The following CPSF2 variants were observed in gnomAD, a reference collection of about 807,000 sequenced individuals.
CPSF2 encodes cleavage and polyadenylation specific factor 2, also known as cleavage and polyadenylation specificity factor subunit 2.
In CPSF2, 51 loss-of-function variants were observed where a neutral mutation model predicts 84.2. The observed-to-expected ratio is 0.61, with a 90% CI of 0.48 to 0.77. The LOEUF (loss-of-function observed/expected upper bound fraction) is 0.77. Among genes scored for constraint, CPSF2 ranks in the 30% least tolerant of loss-of-function variants. CPSF2 has a pLI of 0.00. For missense variants in CPSF2, 641 were observed against 929.4 expected, an observed-to-expected ratio of 0.69 and a Z score of 4.03; for synonymous variants, 286 against 311.9, an observed-to-expected ratio of 0.92 and a Z score of 0.87.
Position 92,162,844 on chromosome 14 carries a change from T to C in CPSF2, c.*1100T>C, listed in dbSNP as rs1303505168. 3 of 152,244 alleles carry C rather than the reference T, an allele frequency of 2.0e-5. No homozygotes were observed. The highest frequency in any genetic ancestry group is 7.2e-5 in the African/African-American group (3 of 41,466). The allele number at this position is 152,244 out of a possible 1,614,324, so 9.4% of individuals were successfully genotyped here. On this transcript the variant is annotated 3_prime_UTR_variant, in exon 16 of 16. Transcript: ENST00000298875. ...ACCATGTAAACTATTGAAACTATTG[T>C]AATCCATTAATGCTTTTTTAGAATG...
At position 92,157,559 on chromosome 14, in the gene CPSF2, A is replaced by G. The variant is rs1332790458; in HGVS notation, c.1596-100A>G. ...ATCATACAGATACTATAACATGTGTATTTCTCAAATCCTAGTGTTATATAT... is the reference window on the plus strand; with the variant it reads ...ATCATACAGATACTATAACATGTGTGTTTCTCAAATCCTAGTGTTATATAT... On this transcript the variant is annotated intron_variant, in intron 12 of 15. Coordinates refer to ENST00000298875, the MANE Select transcript of CPSF2 (RefSeq NM_017437.3). This position sits in a 1 kb window ranked among gnomAD's most constrained non-coding sequence, Gnocchi z 4.0. 2.8e-6 allele frequency: 2 copies of G among 717,018 alleles called. No individual in the cohort carries two copies. The highest frequency in any genetic ancestry group is 2.7e-5 in the East Asian group (1 of 36,988). The allele number at this position is 717,018 out of a possible 1,614,324, so 44.4% of individuals were successfully genotyped here. A position where few individuals can be genotyped will look rare whatever the true frequency, so the allele number is the denominator to read the frequency against.
chr14:92,126,678 C>T (rs920719700), intron 2 of CPSF2, among the ~76,000 whole-genome samples: 1 of 151,932 alleles, frequency 6.6e-6, no homozygotes, highest in African/African-American at 2.4e-5. Flanking sequence ...TGGTGCGTGC[C>T]CGTAGTCCCA....
At chr14:92,138,544 C>T (rs1356752823) in intron 7 of CPSF2, among the ~76,000 whole-genome samples, 197 bp downstream of exon 7, 2 of 152,004 alleles carry the variant, frequency 1.3e-5, no homozygotes, top group Non-Finnish European at 1.5e-5. Flanking sequence ...ATTCTTGTGC[C>T]TCAGCCTCCC....
rs901857385 is a variant in CPSF2, at chr14:92,169,994, C to G, written c.*8250C>G. ...CTCTATTAAAAATCAGAAAAATTGG[C>G]CAGGTGTGGTGGCTCATGCCTGTAG... On this transcript the variant is annotated 3_prime_UTR_variant, in exon 16 of 16. Transcript: ENST00000298875. 6.6e-6 allele frequency: 1 copy of G among 151,982 alleles called. No homozygotes were observed. Among genetic ancestry groups the G allele is most frequent in the East Asian group, 1.9e-4 (1 of 5,186 alleles). 9.4% of individuals were successfully genotyped at this position (151,982 alleles called of 1,614,324 possible).
intron 9 of CPSF2, among the ~76,000 whole-genome samples, chr14:92,150,415 C>A (rs565083772): frequency 1.6e-3 from 239 of 151,894 alleles, no homozygotes; most frequent in Middle Eastern, 6.8e-3. Context: ...AGTCACCGCA[C>A]CAGGCCCTGT....
intron 13 of CPSF2, 139 bp downstream of exon 13, chr14:92,158,023 G>A (rs935889981): frequency 1.6e-6 from 1 of 631,070 alleles, no homozygotes; most frequent in Non-Finnish European, 2.8e-6. Flanking sequence ...AGGGTATGGG[G>A]CTTAGAACAA....
At chr14:92,151,516 G>A (rs1393019189) in intron 9 of CPSF2, among the ~76,000 whole-genome samples, 1 of 151,518 alleles carries the variant, frequency 6.6e-6, no homozygotes, top group Non-Finnish European at 1.5e-5. Flanking sequence ...AACTAACCTT[G>A]AAGAAACTAC....
chr14:92,156,662 A>G (rs745760633), intron 12 of CPSF2, 31 bp downstream of exon 12: 6 of 1,425,794 alleles, frequency 4.2e-6, no homozygotes, highest in Admixed American at 2.2e-5. Context: ...TTGAAAATAG[A>G]TTATAAGATA....
In CPSF2 at chr14:92,143,200, C is replaced by T. The variant is rs1211930161; in HGVS notation, c.1046C>T (p.Pro349Leu). Residue 349 changes from proline (P) to leucine (L), a missense_variant, in exon 9 of 16, where the codon CCT becomes CTT. Pro to Leu is a moderately conservative substitution (Grantham distance 98). Coordinates refer to ENST00000298875, the MANE Select transcript of CPSF2 (RefSeq NM_017437.3). ...CTCTTTATTCAGTGGTGTCAGGACC[C>T]TAAAAACTCAATCATTCTAACCTAC... is the stretch of plus-strand genomic sequence containing the variant. ...RDLFIQWCQD[P>L]KNSIILTYRT... 1 of 1,613,898 alleles carries T rather than the reference C, an allele frequency of 6.2e-7. No homozygotes were observed. The highest frequency in any genetic ancestry group is 1.7e-5 in the Admixed American group (1 of 60,008).
At chr14:92,141,490 G>A (rs747580110) in intron 7 of CPSF2, among the ~76,000 whole-genome samples, 2 of 151,968 alleles carry the variant, frequency 1.3e-5, no homozygotes, top group East Asian at 1.9e-4. Flanking sequence ...CACCATGCCC[G>A]GCTAATTTGT....
At chr14:92,124,650 A>G (rs776023433) in intron 1 of CPSF2, among the ~76,000 whole-genome samples, 3 of 152,188 alleles carry the variant, frequency 2.0e-5, no homozygotes, top group Non-Finnish European at 2.9e-5. Flanking sequence ...CTGCACTGTT[A>G]TGGTAGTCAC....
chr14:92,159,000 A>G lies in CPSF2; in HGVS notation c.1839A>G (p.Ser613=), dbSNP rs757843869. The G allele has an allele frequency of 4.3e-6, 7 of 1,612,156 alleles. No individual in the cohort carries two copies. The highest frequency in any genetic ancestry group is 3.3e-5 in the Admixed American group (2 of 59,802). ...THIYQVRLKD[S]LVSSLQFCKA... is the part of the protein sequence containing the mutation. ...ATGTCTAGGTGAGGTTAAAAGACTC[A>G]CTTGTCAGCTCTCTTCAGTTTTGTA... The change falls in exon 14 of 16, where the codon TCA becomes TCG. Residue 613 remains serine, a synonymous_variant. Transcript: ENST00000298875.
chr14:92,158,752 A>G (rs1401237401), intron 13 of CPSF2, among the ~76,000 whole-genome samples: 1 of 152,174 alleles, frequency 6.6e-6, no homozygotes, highest in Non-Finnish European at 1.5e-5. Context: ...TTTAATTGCC[A>G]TGTGATTCCA....
Position 92,131,089 on chromosome 14 carries a change from C to T in CPSF2, c.105C>T (p.Gly35=). ...AGTTTAGATTTTTATTGGACTGTGGCTGGGATGAGCACTTTTCTATGGATA... is the reference window on the plus strand; with the variant it reads ...AGTTTAGATTTTTATTGGACTGTGGTTGGGATGAGCACTTTTCTATGGATA... ...VDEFRFLLDC[G]WDEHFSMDII... is the part of the protein sequence containing the mutation. The change falls in exon 3 of 16, where the codon GGC becomes GGT. Residue 35 remains glycine, a synonymous_variant. Transcript: ENST00000298875. The T allele has an allele frequency of 1.2e-6, 2 of 1,612,552 alleles. No homozygotes were observed. Among genetic ancestry groups the T allele is most frequent in the Non-Finnish European group, 1.7e-6 (2 of 1,179,224 alleles).
At chr14:92,151,635 A>G (rs952711877) in intron 9 of CPSF2, among the ~76,000 whole-genome samples, 3 of 152,194 alleles carry the variant, frequency 2.0e-5, no homozygotes, top group Admixed American at 6.5e-5. Context: ...TTTTCTTCAT[A>G]TACTTTAACC....
chr14:92,122,117 A>C lies in CPSF2; in HGVS notation c.-105A>C, dbSNP rs1196958331. 1 of 398,602 alleles carries C rather than the reference A, an allele frequency of 2.5e-6. No individual in the cohort carries two copies. The highest frequency in any genetic ancestry group is 4.7e-6 in the Non-Finnish European group (1 of 211,480). 24.7% of individuals were successfully genotyped at this position (398,602 alleles called of 1,614,324 possible). On this transcript the variant is annotated 5_prime_UTR_variant, in exon 1 of 16. Coordinates refer to ENST00000298875, the MANE Select transcript of CPSF2 (RefSeq NM_017437.3). Reference sequence around the variant, plus strand: ...GAAGGGCTGTGGACGGCGTTGGGGGAGGCCTGACGAGGCAAGTGAGGGCGG... The same window carrying C: ...GAAGGGCTGTGGACGGCGTTGGGGGCGGCCTGACGAGGCAAGTGAGGGCGG...
chr14:92,127,624 A>T (rs2141449805), intron 2 of CPSF2, among the ~76,000 whole-genome samples: 1 of 152,334 alleles, frequency 6.6e-6, no homozygotes, highest in South Asian at 2.1e-4. Flanking sequence ...GAGGGTTCTT[A>T]TAAGTTGGGA....
intron 7 of CPSF2, among the ~76,000 whole-genome samples, chr14:92,141,209 TA>T (rs377585905): frequency 2.6e-5 from 4 of 152,096 alleles, no homozygotes; most frequent in African/African-American, 9.6e-5. Context: ...TGCAATAGTT[TA>T]AAAAATATAA....
Position 92,163,313 on chromosome 14 carries a change from C to T in CPSF2, c.*1569C>T, listed in dbSNP as rs183536703. The T allele has an allele frequency of 3.9e-5, 6 of 152,606 alleles. No individual in the cohort carries two copies. Among genetic ancestry groups the T allele is most frequent in the African/African-American group, 1.4e-4 (6 of 41,520 alleles). 9.5% of individuals were successfully genotyped at this position (152,606 alleles called of 1,614,324 possible). ...TCTATTTCAAATGCTTATAAAGCTA[C>T]TATTGTAGATTATAGTGTTAATGCA... On this transcript the variant is annotated 3_prime_UTR_variant, in exon 16 of 16. Coordinates refer to ENST00000298875, the MANE Select transcript of CPSF2 (RefSeq NM_017437.3).
Sources: allele counts gnomAD v4.1 joint callset (sites outside exome capture counted in the v4.1 genomes callset), GRCh38; gene constraint gnomAD v4.1.1; non-coding constraint Gnocchi (gnomAD v3.1); transcripts MANE v1.5; gene names NCBI Gene and HGNC (gene_info 2026-07-23, HGNC 2026-07-21).